Variants in WWC2 observed in about 807,000 individuals in gnomAD.
The protein encoded by WWC2 is WW and C2 domain containing 2.
A neutral mutation model predicts 138.5 loss-of-function variants in WWC2; 101 were observed. The observed-to-expected ratio is 0.73, with a 90% CI of 0.62 to 0.86. The LOEUF (loss-of-function observed/expected upper bound fraction) is 0.86, where lower values mean the gene tolerates loss of function less well. Among genes scored for constraint, WWC2 ranks in the 40% least tolerant of loss-of-function variants. The pLI, the probability that WWC2 is intolerant of heterozygous loss-of-function variation, is 0.00. For synonymous variants in WWC2, 558 were observed against 538.4 expected (o/e 1.04, Z -0.50); for missense variants, 1,420 against 1,419.4 (o/e 1.00, Z -0.01).
At chr4:183,211,385 C>A (rs907743523) in intron 4 of WWC2, among the ~76,000 whole-genome samples, 1 of 152,088 alleles carries the variant, frequency 6.6e-6, no homozygotes. Context: ...AGTTACTTGC[C>A]CAAATTCTGC....
At chr4:183,246,368 A>C (rs953180434) in intron 6 of WWC2, among the ~76,000 whole-genome samples, 5 of 152,190 alleles carry the variant, frequency 3.3e-5, no homozygotes, top group African/African-American at 1.2e-4. Context: ...GTCACTGATG[A>C]TGTTTACATT....
rs1743074627 is a variant in WWC2, at chr4:183,099,284, C to G, written c.-208C>G. On this transcript the variant is annotated 5_prime_UTR_variant, in exon 1 of 23. Transcript: ENST00000403733. ...GTTCGCTCGCCGGCTCCGACGCAGA[C>G]ATGGTGGACTGATCCGCAGCGGGGC... The G allele has an allele frequency of 6.5e-6, 2 of 307,694 alleles. No homozygotes were observed. Among genetic ancestry groups the G allele is most frequent in the Non-Finnish European group, 1.1e-5 (2 of 186,886 alleles). 19.1% of individuals were successfully genotyped at this position (307,694 alleles called of 1,614,324 possible).
chr4:183,119,933 A>G (rs893936732), intron 1 of WWC2, among the ~76,000 whole-genome samples: 2 of 152,200 alleles, frequency 1.3e-5, no homozygotes, highest in Non-Finnish European at 2.9e-5. Context: ...TGATAATTAT[A>G]TGATTCTTAA....
intron 6 of WWC2, 60 bp downstream of exon 6, chr4:183,245,605 T>C: frequency 6.1e-6 from 9 of 1,477,526 alleles, no homozygotes; most frequent in Non-Finnish European, 8.1e-6. Flanking sequence ...CCAGAAACTC[T>C]TACTGGGGCA....
At chr4:183,120,785 C>A (rs932281748) in intron 1 of WWC2, among the ~76,000 whole-genome samples, 1 of 152,132 alleles carries the variant, frequency 6.6e-6, no homozygotes, top group Non-Finnish European at 1.5e-5. Context: ...AATGGCTGGT[C>A]TTGCTTTGTG....
At chr4:183,280,678 C>T in intron 16 of WWC2, 98 bp from the exon 17 acceptor site, 4 of 1,295,748 alleles carry the variant, frequency 3.1e-6, no homozygotes, top group African/African-American at 1.5e-5. Flanking sequence ...AGAGTTGAGT[C>T]GTCTTTACAG....
At chr4:183,189,894 C>A (rs761778932) in intron 1 of WWC2, among the ~76,000 whole-genome samples, 1 of 152,160 alleles carries the variant, frequency 6.6e-6, no homozygotes, top group Non-Finnish European at 1.5e-5. Flanking sequence ...ACAAATACAT[C>A]ACTGTGTGGC....
chr4:183,250,031 ATT>A, intron 8 of WWC2, 38 bp downstream of exon 8: 2 of 1,574,372 alleles, frequency 1.3e-6, no homozygotes, highest in Non-Finnish European at 1.7e-6. Context: ...TGGCTCAAAC[ATT>A]TTCTTTTCCA....
At chr4:183,289,815 A>G (rs1327879935) in intron 21 of WWC2, among the ~76,000 whole-genome samples, 180 bp downstream of exon 21, 3 of 151,470 alleles carry the variant, frequency 2.0e-5, no homozygotes, top group Non-Finnish European at 4.4e-5. Context: ...CAAACCAAAA[A>G]TGTTGAAGGA....
chr4:183,252,509 A>G (rs1460662695), intron 8 of WWC2, among the ~76,000 whole-genome samples: 3 of 152,212 alleles, frequency 2.0e-5, no homozygotes, highest in Admixed American at 2.0e-4. Flanking sequence ...TCTAGACATA[A>G]GAGAAATCTG....
intron 1 of WWC2, among the ~76,000 whole-genome samples, chr4:183,114,097 A>C (rs557089598): frequency 1.3e-5 from 2 of 152,206 alleles, no homozygotes; most frequent in Admixed American, 1.3e-4. Flanking sequence ...TGTAATTCCT[A>C]GTTGGAGGTA....
intron 22 of WWC2, among the ~76,000 whole-genome samples, chr4:183,314,258 T>C (rs1739360645): frequency 6.6e-6 from 1 of 152,106 alleles, no homozygotes; most frequent in East Asian, 1.9e-4. Context: ...GAACTGCAGG[T>C]GAGGGGAGCC....
chr4:183,169,858 A>G (rs1734228592), intron 1 of WWC2, among the ~76,000 whole-genome samples: 1 of 152,224 alleles, frequency 6.6e-6, no homozygotes, highest in Non-Finnish European at 1.5e-5. Context: ...ATGTAAAATT[A>G]TGTTTTCATT....
chr4:183,152,140 G>T (rs1020710998), intron 1 of WWC2, among the ~76,000 whole-genome samples: 8 of 152,010 alleles, frequency 5.3e-5, no homozygotes, highest in African/African-American at 1.9e-4. Flanking sequence ...CTTGTTTCTC[G>T]TAAGAAAGAA....
chr4:183,189,644 G>A (rs1184033319), intron 1 of WWC2, among the ~76,000 whole-genome samples: 1 of 152,178 alleles, frequency 6.6e-6, no homozygotes, highest in East Asian at 1.9e-4. Flanking sequence ...GCAGTTGACA[G>A]GATTCGCTCT....
intron 8 of WWC2, among the ~76,000 whole-genome samples, chr4:183,253,506 G>C (rs1313631497): frequency 6.6e-6 from 1 of 152,120 alleles, no homozygotes; most frequent in Admixed American, 6.5e-5. Context: ...AGGTAGCTGG[G>C]TATGCTCACT....
Position 183,264,970 on chromosome 4 carries a change from C to G in WWC2, c.1910-8C>G, listed in dbSNP as rs747799953. 3 of 1,610,554 alleles carry G rather than the reference C, an allele frequency of 1.9e-6. No individual in the cohort carries two copies. The highest frequency in any genetic ancestry group is 2.5e-6 in the Non-Finnish European group (3 of 1,178,188). The stretch of plus-strand genomic sequence containing the variant: ...TTCTGATTAGTGCTCTCACCCTCCC[C>G]TCCATAGATGTGGAAAAATCATTAC... On this transcript the variant is annotated splice_polypyrimidine_tract_variant and splice_region_variant and intron_variant, in intron 11 of 22. Coordinates refer to ENST00000403733, the MANE Select transcript of WWC2 (RefSeq NM_024949.6).
intron 1 of WWC2, among the ~76,000 whole-genome samples, chr4:183,170,450 G>A (rs1028056542): frequency 1.3e-5 from 2 of 152,166 alleles, no homozygotes; most frequent in African/African-American, 4.8e-5. Flanking sequence ...ATGCCTGTGG[G>A]GTACGTGGAC....
intron 21 of WWC2, among the ~76,000 whole-genome samples, chr4:183,306,974 A>G (rs1739043601): frequency 6.6e-6 from 1 of 152,148 alleles, no homozygotes; most frequent in African/African-American, 2.4e-5. Flanking sequence ...AAATCAGCAG[A>G]CATAGTTGAA....
Sources: allele counts gnomAD v4.1 joint callset (sites outside exome capture counted in the v4.1 genomes callset), GRCh38; gene constraint gnomAD v4.1.1; transcripts MANE v1.5; gene names NCBI Gene and HGNC (gene_info 2026-07-23, HGNC 2026-07-21).